The following DUSP16 variants were observed in gnomAD, a reference collection of about 807,000 sequenced individuals.
DUSP16 encodes dual specificity phosphatase 16.
Under a neutral mutation model 58.3 loss-of-function variants are expected in DUSP16, and 21 were observed. That is an observed-to-expected ratio of 0.36 (90% CI 0.26 to 0.52). The LOEUF (loss-of-function observed/expected upper bound fraction) is 0.52, where lower values mean the gene tolerates loss of function less well. Among genes scored for constraint, DUSP16 ranks in the 20% least tolerant of loss-of-function variants. The pLI is 0.94. For synonymous variants in DUSP16, 320 were observed against 323.8 expected (o/e 0.99, Z 0.12); for missense variants, 726 against 819.0 (o/e 0.89, Z 1.39).
At chr12:12,561,404 T>C (rs1225312932) in intron 1 of DUSP16, among the ~76,000 whole-genome samples, 1 of 152,232 alleles carries the variant, frequency 6.6e-6, no homozygotes. Flanking sequence ...CTTTAGGAAA[T>C]AAACCCAGCA....
intron 1 of DUSP16, among the ~76,000 whole-genome samples, chr12:12,540,531 T>A (rs906335104): frequency 6.6e-6 from 1 of 152,210 alleles, no homozygotes; most frequent in Non-Finnish European, 1.5e-5. Context: ...TGTGCAAGGC[T>A]TTTTGCTCAA....
chr12:12,479,812 G>A (rs1169474753), intron 6 of DUSP16, among the ~76,000 whole-genome samples: 1 of 152,164 alleles, frequency 6.6e-6, no homozygotes, highest in African/African-American at 2.4e-5. Flanking sequence ...CATTTATGAG[G>A]CTTTTTCTTC....
chr12:12,480,464 G>A (rs1943543565), intron 5 of DUSP16, 118 bp from the exon 6 acceptor site: 2 of 1,171,010 alleles, frequency 1.7e-6, no homozygotes, highest in East Asian at 2.5e-5. Context: ...AATCTCATCT[G>A]TGTATATCAT....
At chr12:12,545,356 G>A (rs777622997) in intron 1 of DUSP16, among the ~76,000 whole-genome samples, 1 of 151,944 alleles carries the variant, frequency 6.6e-6, no homozygotes. Flanking sequence ...TGCCTCCCAG[G>A]TTCAAGCGAT....
Position 12,487,298 on chromosome 12 carries a change from T to C in DUSP16, c.532-111A>G, listed in dbSNP as rs1377639555. 4 of 1,252,638 alleles carry C rather than the reference T, an allele frequency of 3.2e-6. No homozygotes were observed. In the South Asian group the frequency reaches 4.5e-5, roughly 14 times the overall value. The allele number at this position is 1,252,638 out of a possible 1,614,324, so 77.6% of individuals were successfully genotyped here. A position where few individuals can be genotyped will look rare whatever the true frequency, so the allele number is the denominator to read the frequency against. ...AAAAATGCCCAGTTTCCTTGAAATATAATTCATTCAGATCAGTGAAGTCCA... is the reference window on the plus strand; with the variant it reads ...AAAAATGCCCAGTTTCCTTGAAATACAATTCATTCAGATCAGTGAAGTCCA... On this transcript the variant is annotated intron_variant, in intron 4 of 6. Transcript: ENST00000298573.
chr12:12,554,680 AT>A (rs1431720416), intron 1 of DUSP16: 2 of 151,564 alleles, frequency 1.3e-5, no homozygotes, highest in South Asian at 2.1e-4. Flanking sequence ...ATCCATATGT[AT>A]TTTTAACACA....
Position 12,476,792 on chromosome 12 carries a change from GA to G in DUSP16, c.*40del, listed in dbSNP as rs749453400. 267 of 1,499,450 alleles carry G rather than the reference GA, an allele frequency of 1.8e-4. No individual in the cohort carries two copies. Among genetic ancestry groups the G allele is most frequent in the Admixed American group, 5.4e-4 (24 of 44,686 alleles). 92.9% of individuals were successfully genotyped at this position (1,499,450 alleles called of 1,614,324 possible). ...TTACAGGGAATTTTTTTGTGAACAA[GA>G]AAAAAAAATTGTCTATAGAAGTCAC... On this transcript the variant is annotated 3_prime_UTR_variant, in exon 7 of 7. Transcript: ENST00000298573.
intron 3 of DUSP16, among the ~76,000 whole-genome samples, chr12:12,501,314 G>T (rs1268084256): frequency 6.6e-6 from 1 of 152,188 alleles, no homozygotes; most frequent in Non-Finnish European, 1.5e-5. Context: ...GCACTATAAA[G>T]AAGTGCTGAC....
chr12:12,550,237 C>T (rs543686798), intron 1 of DUSP16, among the ~76,000 whole-genome samples: 7 of 151,320 alleles, frequency 4.6e-5, no homozygotes, highest in Non-Finnish European at 1.0e-4. Flanking sequence ...GGCGCCATTG[C>T]CCTCCAGCCT....
chr12:12,539,216 C>T (rs1441510435), intron 1 of DUSP16, among the ~76,000 whole-genome samples: 2 of 152,080 alleles, frequency 1.3e-5, no homozygotes, highest in African/African-American at 2.4e-5. Context: ...CTATTGCTTA[C>T]GATGTTTTAT....
intron 4 of DUSP16, among the ~76,000 whole-genome samples, chr12:12,497,548 C>T (rs1351837410): frequency 6.6e-6 from 1 of 151,844 alleles, no homozygotes; most frequent in Admixed American, 6.6e-5. Context: ...TCTCCTAATC[C>T]TATTATGAGG....
At chr12:12,553,157 G>A (rs1944757843) in intron 1 of DUSP16, among the ~76,000 whole-genome samples, 1 of 152,202 alleles carries the variant, frequency 6.6e-6, no homozygotes, top group East Asian at 1.9e-4. Flanking sequence ...AGTATGGACA[G>A]ACATAGTCTA....
chr12:12,527,275 A>G (rs1227829528), intron 1 of DUSP16, among the ~76,000 whole-genome samples: 1 of 152,228 alleles, frequency 6.6e-6, no homozygotes, highest in African/African-American at 2.4e-5. Flanking sequence ...TTTCAATAAC[A>G]GGAAAAAAAC....
intron 3 of DUSP16, among the ~76,000 whole-genome samples, chr12:12,507,759 G>A (rs865807514): frequency 3.9e-5 from 6 of 152,140 alleles, no homozygotes; most frequent in Non-Finnish European, 8.8e-5. Context: ...ACAGGCATGC[G>A]CCATCATGCC....
intron 4 of DUSP16, among the ~76,000 whole-genome samples, chr12:12,492,144 T>C (rs1943769372): frequency 6.6e-6 from 1 of 152,168 alleles, no homozygotes; most frequent in Non-Finnish European, 1.5e-5. Context: ...CACTCCACAA[T>C]GCTACCTGAT....
chr12:12,538,972 C>T (rs1944510545), intron 1 of DUSP16, among the ~76,000 whole-genome samples: 1 of 152,158 alleles, frequency 6.6e-6, no homozygotes, highest in Non-Finnish European at 1.5e-5. Context: ...TAGCTCTGAA[C>T]CTTAGTTACA....
At chr12:12,549,044 A>G (rs117853181) in intron 1 of DUSP16, among the ~76,000 whole-genome samples, 6 of 152,216 alleles carry the variant, frequency 3.9e-5, no homozygotes, top group Non-Finnish European at 7.3e-5. Flanking sequence ...ACACATATGT[A>G]TATCTTTCTC....
intron 1 of DUSP16, among the ~76,000 whole-genome samples, chr12:12,536,758 G>C (rs1041141099): frequency 2.0e-5 from 3 of 148,530 alleles, no homozygotes; most frequent in South Asian, 2.2e-4. Context: ...AAAAAAAAAC[G>C]CCGATGCGGT....
intron 4 of DUSP16, among the ~76,000 whole-genome samples, chr12:12,492,256 C>T (rs773687676): frequency 1.3e-5 from 2 of 152,278 alleles, no homozygotes; most frequent in Non-Finnish European, 1.5e-5. Flanking sequence ...TCTTCAAACT[C>T]CCTATATGTC....
Sources: gnomAD v4.1 joint callset for allele counts (sites outside exome capture counted in the v4.1 genomes callset) on GRCh38, gnomAD v4.1.1 for gene constraint, MANE v1.5 for transcripts, NCBI Gene and HGNC (gene_info 2026-07-23, HGNC 2026-07-21) for gene names.